The following ZNF532 variants were observed in gnomAD, a reference collection of about 807,000 sequenced individuals.
The protein encoded by ZNF532 is zinc finger protein 532.
Under a neutral mutation model 89.3 loss-of-function variants are expected in ZNF532, and 22 were observed. The observed-to-expected ratio is 0.25, with a 90% CI of 0.18 to 0.35. The LOEUF (loss-of-function observed/expected upper bound fraction) is 0.35. Ranked by LOEUF, ZNF532 falls within the 10% of genes least tolerant of loss-of-function variation. ZNF532 has a pLI of 1.00. For synonymous variants in ZNF532, 606 were observed against 649.6 expected, an observed-to-expected ratio of 0.93 and a Z score of 1.02; for missense variants, 1,132 against 1,643.4, an observed-to-expected ratio of 0.69 and a Z score of 5.38.
At chr18:58,912,765 T>C (rs2060357005) in intron 2 of ZNF532, among the ~76,000 whole-genome samples, 1 of 152,244 alleles carries the variant, frequency 6.6e-6, no homozygotes, top group Non-Finnish European at 1.5e-5. Context: ...TGCTTATTTT[T>C]CTTTTCCACA....
intron 2 of ZNF532, among the ~76,000 whole-genome samples, chr18:58,899,378 T>G (rs1437261448): frequency 6.6e-6 from 1 of 152,228 alleles, no homozygotes; most frequent in Non-Finnish European, 1.5e-5. Flanking sequence ...TTCAATTGGA[T>G]TGTCTCCTTT....
At chr18:58,868,851 A>T (rs1027340902) in intron 2 of ZNF532, among the ~76,000 whole-genome samples, 1 of 152,226 alleles carries the variant, frequency 6.6e-6, no homozygotes, top group Non-Finnish European at 1.5e-5. Flanking sequence ...ATCATTAGAC[A>T]GTCTTGTCAT....
At chr18:58,882,149 G>A (rs530200169) in intron 2 of ZNF532, among the ~76,000 whole-genome samples, 5 of 152,080 alleles carry the variant, frequency 3.3e-5, no homozygotes, top group Non-Finnish European at 5.9e-5. Context: ...TAGTAGAGAC[G>A]GGGTTTCACA....
At chr18:58,983,490 C>T (rs534926259) in intron 9 of ZNF532, among the ~76,000 whole-genome samples, 1 of 152,270 alleles carries the variant, frequency 6.6e-6, no homozygotes, top group East Asian at 1.9e-4. Flanking sequence ...GCACTCACAG[C>T]TTCCTATGCC....
chr18:58,909,673 A>C lies in ZNF532; in HGVS notation c.-17-8598A>C, dbSNP rs370246006. On this transcript the variant is annotated intron_variant, in intron 2 of 9. Coordinates refer to ENST00000591808, the MANE Select transcript of ZNF532 (RefSeq NM_001375912.1). ...GTCACAGGCAACATGAAAGATGATT[A>C]GCAGCAAAAACAGGCACGCGGGAAC... is the stretch of plus-strand genomic sequence containing the variant. 2.4e-3 allele frequency among the ~76,000 whole-genome samples: 359 copies of C among 152,312 alleles called. 2 individuals are homozygous for C. Among genetic ancestry groups the C allele is most frequent in the African/African-American group, 7.8e-3 (323 of 41,568 alleles).
At chr18:58,951,885 G>A (rs1359394773) in intron 6 of ZNF532, among the ~76,000 whole-genome samples, 3 of 152,014 alleles carry the variant, frequency 2.0e-5, no homozygotes, top group South Asian at 4.1e-4. Flanking sequence ...TCCTGACCTC[G>A]TGATCCACCT....
intron 9 of ZNF532, among the ~76,000 whole-genome samples, chr18:58,981,994 ACT>A (rs1242332419): frequency 2.5e-5 from 3 of 120,662 alleles, no homozygotes. Context: ...ACAGTGCGAG[ACT>A]CTCCCAAAAA....
chr18:58,921,516 C>G (rs1004051422), intron 3 of ZNF532, among the ~76,000 whole-genome samples: 1 of 152,182 alleles, frequency 6.6e-6, no homozygotes, highest in Non-Finnish European at 1.5e-5. Flanking sequence ...ATATCCTTCA[C>G]TGCAATGAAT....
chr18:58,910,301 G>A (rs1262567812), intron 2 of ZNF532, among the ~76,000 whole-genome samples: 1 of 152,058 alleles, frequency 6.6e-6, no homozygotes, highest in Non-Finnish European at 1.5e-5. Flanking sequence ...TCATAATTTT[G>A]TTTTCTGAGT....
In ZNF532 at chr18:58,939,887, T is replaced by C. The variant is rs552264150; in HGVS notation, c.2705+266T>C. 30 of 268,032 alleles carry C rather than the reference T, an allele frequency of 1.1e-4. No homozygotes were observed. In the East Asian group the frequency reaches 2.1e-3, roughly 19 times the overall value. The allele number at this position is 268,032 out of a possible 1,614,324, so 16.6% of individuals were successfully genotyped here. A position where few individuals can be genotyped will look rare whatever the true frequency, so the allele number is the denominator to read the frequency against. ...CAAGTAAATATTTATATTTTTTTCT[T>C]AAGATGAATTTTTTTTTTTTTTTGA... is the stretch of plus-strand genomic sequence containing the variant. On this transcript the variant is annotated intron_variant, in intron 5 of 9. Coordinates refer to ENST00000591808, the MANE Select transcript of ZNF532 (RefSeq NM_001375912.1).
At chr18:58,870,084 T>TG (rs1338690702) in intron 2 of ZNF532, among the ~76,000 whole-genome samples, 4 of 150,982 alleles carry the variant, frequency 2.6e-5, no homozygotes, top group African/African-American at 7.3e-5. Context: ...TTTTTTTTTT[T>TG]TTTTTTTTTT....
intron 6 of ZNF532, chr18:58,953,111 TC>T (rs1481904813): frequency 6.4e-6 from 1 of 157,436 alleles, no homozygotes; most frequent in African/African-American, 2.4e-5. Context: ...CTAGTTGAAT[TC>T]CTAATAATGT....
chr18:58,881,723 CA>C (rs2057942216), intron 2 of ZNF532, among the ~76,000 whole-genome samples: 1 of 152,190 alleles, frequency 6.6e-6, no homozygotes, highest in Non-Finnish European at 1.5e-5. Context: ...CTTTGACGTT[CA>C]AAGCCACTGC....
At chr18:58,979,748 G>C (rs543890825) in intron 8 of ZNF532, 1 of 152,618 alleles carries the variant, frequency 6.6e-6, no homozygotes, top group South Asian at 2.1e-4. Context: ...CACATGTCGA[G>C]TTGGCCACAT....
upstream of ZNF532, chr18:58,863,665 G>A (rs541455978): frequency 1.6e-3 from 253 of 153,678 alleles, no homozygotes; most frequent in African/African-American, 4.5e-3. Flanking sequence ...AGCAGCCGCC[G>A]GCGGCGCCGC....
At chr18:58,866,663 G>A (rs907428592) in intron 2 of ZNF532, among the ~76,000 whole-genome samples, 6 of 152,194 alleles carry the variant, frequency 3.9e-5, no homozygotes, top group East Asian at 1.9e-4. Context: ...CAGCAGTGCC[G>A]AGGATCTTGG....
rs147124447 is a variant in ZNF532 at position 58,939,067 on chromosome 18, C to T, written c.2529-378C>T. Among the ~76,000 whole-genome samples the T allele has an allele frequency of 5.0e-3, 751 of 151,492 alleles. 8 individuals are homozygous for T. The highest frequency in any genetic ancestry group is 0.017 in the African/African-American group (701 of 41,340). On this transcript the variant is annotated intron_variant, in intron 4 of 9. Transcript: ENST00000591808. The stretch of plus-strand genomic sequence containing the variant: ...TTTGAGACCAGCTTGGCCAACATGG[C>T]GAAACCCCATCTCTACTAAAAATAC...
Position 58,953,512 on chromosome 18 carries a change from A to G in ZNF532, c.2869-6A>G. ...GATAGATATTTCTTTTCTTTTTATA[A>G]TGTAGTCTATGCATGGAACATTGAA... On this transcript the variant is annotated splice_polypyrimidine_tract_variant and splice_region_variant and intron_variant, in intron 6 of 9. Transcript: ENST00000591808. 1 of 1,597,430 alleles carries G rather than the reference A, an allele frequency of 6.3e-7. No individual in the cohort carries two copies. The highest frequency in any genetic ancestry group is 8.5e-7 in the Non-Finnish European group (1 of 1,173,236).
intron 3 of ZNF532, among the ~76,000 whole-genome samples, chr18:58,924,822 T>C (rs1299120171): frequency 6.6e-6 from 1 of 152,182 alleles, no homozygotes; most frequent in Non-Finnish European, 1.5e-5. Context: ...ACCACTAAGC[T>C]GTTTTTCATT....
Sources: gnomAD v4.1 joint callset for allele counts (sites outside exome capture counted in the v4.1 genomes callset) on GRCh38, gnomAD v4.1.1 for gene constraint, MANE v1.5 for transcripts, NCBI Gene and HGNC (gene_info 2026-07-23, HGNC 2026-07-21) for gene names.